The following ECM1 variants were observed in gnomAD, a reference collection of about 807,000 sequenced individuals.
ECM1 encodes secretory component p85.
A neutral mutation model predicts 57.9 loss-of-function variants in ECM1; 54 were observed. The observed-to-expected ratio is 0.93, with a 90% CI of 0.75 to 1.17. The LOEUF is 1.17. Ranked by LOEUF, ECM1 falls within the 50% of genes most tolerant of loss-of-function variation. The pLI is 0.00. For missense variants in ECM1, 649 were observed against 688.1 expected (o/e 0.94, Z 0.64); for synonymous variants, 237 against 259.1 (o/e 0.91, Z 0.82).
In ECM1 at chr1:150,509,721, A is replaced by C. The variant is rs1192765241; in HGVS notation, c.182A>C (p.Asp61Ala). ...LSRSLPMDHP[D>A]SSQHGPPFEG... Reference sequence around the variant, plus strand: ...CGAAGCCTCCCCATGGATCACCCTGACTCCTCTCAGCATGGCCCTCCCTTT... The same window carrying C: ...CGAAGCCTCCCCATGGATCACCCTGCCTCCTCTCAGCATGGCCCTCCCTTT... The change falls in exon 3 of 10, where the codon GAC (aspartate) becomes GCC (alanine). Residue 61 changes from aspartate (D) to alanine (A), a missense_variant. Asp to Ala is a moderately radical substitution (Grantham distance 126). Coordinates refer to ENST00000369047, the MANE Select transcript of ECM1 (RefSeq NM_004425.4). 6.3e-7 allele frequency: 1 copy of C among 1,599,306 alleles called. No homozygotes were observed. The highest frequency in any genetic ancestry group is 1.7e-5 in the Admixed American group (1 of 59,302).
Position 150,513,520 on chromosome 1 carries a change from C to T in ECM1, c.*53C>T. On this transcript the variant is annotated 3_prime_UTR_variant, in exon 10 of 10. Coordinates refer to ENST00000369047, the MANE Select transcript of ECM1 (RefSeq NM_004425.4). Reference sequence around the variant, plus strand: ...TGGGGGGAACCCCACCCTGCCCCACCCATCTGAACACTCATTACACTAAAC... The same window carrying T: ...TGGGGGGAACCCCACCCTGCCCCACTCATCTGAACACTCATTACACTAAAC... 6.7e-7 allele frequency: 1 copy of T among 1,502,858 alleles called. No homozygotes were observed. Among genetic ancestry groups the T allele is most frequent in the Non-Finnish European group, 9.1e-7 (1 of 1,096,902 alleles). 93.1% of individuals were successfully genotyped at this position (1,502,858 alleles called of 1,614,324 possible).
chr1:150,513,475 C>T lies in ECM1; in HGVS notation c.*8C>T, dbSNP rs1570888116. 6 of 1,611,364 alleles carry T rather than the reference C, an allele frequency of 3.7e-6. No homozygotes were observed. The Admixed American group carries it at 1.0e-4, about 27-fold the overall frequency. ...GAGCCCAAGGAAGAATGAGTCACCC[C>T]AGAGCCCTAGAGGGTCAGATGGGGG... is the stretch of plus-strand genomic sequence containing the variant. On this transcript the variant is annotated 3_prime_UTR_variant, in exon 10 of 10. Coordinates refer to ENST00000369047, the MANE Select transcript of ECM1 (RefSeq NM_004425.4).
At chr1:150,508,754 G>C (rs1670346411) in intron 1 of ECM1, among the ~76,000 whole-genome samples, 1 of 152,094 alleles carries the variant, frequency 6.6e-6, no homozygotes, top group Admixed American at 6.5e-5. Context: ...CTGCTTTGAT[G>C]CCTGAACAAA....
In ECM1 at chr1:150,511,811, C is replaced by T. The variant is rs1670452843; in HGVS notation, c.1063C>T (p.His355Tyr). The change falls in exon 7 of 10, where the codon CAC (histidine) becomes TAC (tyrosine). Residue 355 changes from histidine (H) to tyrosine (Y), a missense_variant. By Grantham distance (83) the His-to-Tyr change is moderately conservative (BLOSUM62 2). Coordinates refer to ENST00000369047, the MANE Select transcript of ECM1 (RefSeq NM_004425.4). ...FQRCCRQGNN[H>Y]TCTWKAWEDT... The stretch of plus-strand genomic sequence containing the variant: ...GCGCTGCTGCCGCCAGGGGAACAAT[C>T]ACACCTGTACATGGAAGGCCGTAAG... 1 of 1,610,706 alleles carries T rather than the reference C, an allele frequency of 6.2e-7. No individual in the cohort carries two copies. The highest frequency in any genetic ancestry group is 8.5e-7 in the Non-Finnish European group (1 of 1,177,846).
At chr1:150,513,119 G>C in intron 9 of ECM1, 118 bp from the exon 10 acceptor site, 1 of 1,096,704 alleles carries the variant, frequency 9.1e-7, no homozygotes, top group Non-Finnish European at 1.4e-6. Context: ...CCCAGGAGGG[G>C]AACGAGGGAG....
chr1:150,511,650 C>T lies in ECM1; in HGVS notation c.902C>T (p.Pro301Leu), dbSNP rs199759513. Residue 301 changes from proline (P) to leucine (L), a missense_variant, in exon 7 of 10, where the codon CCT (proline) becomes CTT (leucine). Physicochemically the swap from Pro to Leu is moderately conservative, Grantham distance 98. Coordinates refer to ENST00000369047, the MANE Select transcript of ECM1 (RefSeq NM_004425.4). ...TCGGGTCTTGAGCTGCCTTTCCCTCCTGGGGTGCCCACATTGGACAATATC... is the reference window on the plus strand; with the variant it reads ...TCGGGTCTTGAGCTGCCTTTCCCTCTTGGGGTGCCCACATTGGACAATATC... ...ISSGLELPFP[P>L]GVPTLDNIKN... 8 of 1,614,152 alleles carry T rather than the reference C, an allele frequency of 5.0e-6. No homozygotes were observed. The highest frequency in any genetic ancestry group is 1.7e-5 in the Admixed American group (1 of 60,022).
chr1:150,512,662 A>G (rs1009761193), intron 8 of ECM1, 63 bp from the exon 9 acceptor site: 3 of 1,610,108 alleles, frequency 1.9e-6, no homozygotes, highest in African/African-American at 2.7e-5. Flanking sequence ...TGATATCCCA[A>G]CCCCATCTGA....
intron 5 of ECM1, 152 bp from the exon 6 acceptor site, chr1:150,510,723 TA>T: frequency 2.4e-6 from 2 of 827,414 alleles, no homozygotes; most frequent in Non-Finnish European, 2.0e-6. Flanking sequence ...TCAGTTATTT[TA>T]AAAGGAAGAG....
In ECM1 at chr1:150,511,062, G is replaced by A; in HGVS notation, c.572G>A (p.Gly191Asp). Residue 191 changes from glycine (G) to aspartate (D), a missense_variant, in exon 6 of 10, where the codon GGT (glycine) becomes GAT (aspartate). Gly to Asp is a moderately conservative substitution (Grantham distance 94). Coordinates refer to ENST00000369047, the MANE Select transcript of ECM1 (RefSeq NM_004425.4). The part of the protein sequence containing the change: ...CLPNRQHVVY[G>D]PWNLPQSSYS... ...CCTAACCGTCAGCATGTGGTATATG[G>A]TCCCTGGAACCTACCACAGTCCAGC... 1 of 1,614,164 alleles carries A rather than the reference G, an allele frequency of 6.2e-7. No individual in the cohort carries two copies. Among genetic ancestry groups the A allele is most frequent in the Non-Finnish European group, 8.5e-7 (1 of 1,180,032 alleles).
In ECM1 at chr1:150,510,934, C is replaced by T; in HGVS notation, c.444C>T (p.Ala148=). 6.2e-7 allele frequency: 1 copy of T among 1,614,176 alleles called. No homozygotes were observed. The highest frequency in any genetic ancestry group is 8.5e-7 in the Non-Finnish European group (1 of 1,180,032). Residue 148 remains alanine (A), a synonymous_variant, in exon 6 of 10, where the codon GCC becomes GCT. Coordinates refer to ENST00000369047, the MANE Select transcript of ECM1 (RefSeq NM_004425.4). ...SHPEPESWNA[A]QHCQQDRSQG... ...CAGAACCTGAGTCCTGGAATGCAGC[C>T]CAGCACTGCCAACAGGACCGGTCCC...
At chr1:150,510,325 G>C in intron 5 of ECM1, 143 bp downstream of exon 5, 1 of 776,120 alleles carries the variant, frequency 1.3e-6, no homozygotes, top group East Asian at 2.6e-5. Flanking sequence ...CCAAGCCTTT[G>C]TTTCTTCATC....
At chr1:150,511,343 G>T in intron 6 of ECM1, 114 bp from the exon 7 acceptor site, 1 of 1,599,802 alleles carries the variant, frequency 6.3e-7, no homozygotes. Context: ...ATGTGCCAGG[G>T]GAGCAGAGGA....
Position 150,513,580 on chromosome 1 carries a change from A to C in ECM1, c.*113A>C. On this transcript the variant is annotated 3_prime_UTR_variant, in exon 10 of 10. Transcript: ENST00000369047. ...ATTTGGTGTCCTCATTGTCTATCTA[A>C]TGTCTCACCCGCAGTGTTTTAAGTG... The C allele has an allele frequency of 9.6e-7, 1 of 1,036,322 alleles. No individual in the cohort carries two copies. Among genetic ancestry groups the C allele is most frequent in the Non-Finnish European group, 1.4e-6 (1 of 711,636 alleles). 64.2% of individuals were successfully genotyped at this position (1,036,322 alleles called of 1,614,324 possible).
chr1:150,509,297 C>T, intron 1 of ECM1: 1 of 605,946 alleles, frequency 1.7e-6, no homozygotes. Context: ...AACCTCTGAG[C>T]CAGTAGAGGT....
At position 150,512,369 on chromosome 1, in the gene ECM1, C is replaced by G. The variant is rs758588575; in HGVS notation, c.1101C>G (p.Asp367Glu). 4 of 1,613,078 alleles carry G rather than the reference C, an allele frequency of 2.5e-6. No individual in the cohort carries two copies. The highest frequency in any genetic ancestry group is 1.6e-4 in the Middle Eastern group (1 of 6,084). ...GTCCACAGTGGGAGGATACCCTTGACAAATACTGTGACCGGGAGTATGCTG... is the reference window on the plus strand; with the variant it reads ...GTCCACAGTGGGAGGATACCCTTGAGAAATACTGTGACCGGGAGTATGCTG... ...CTWKAWEDTL[D>E]KYCDREYAVK... The change falls in exon 8 of 10, where the codon GAC (aspartate) becomes GAG (glutamate). Residue 367 changes from aspartate to glutamate, a missense_variant. By Grantham distance (45) the Asp-to-Glu change is conservative (BLOSUM62 2). Transcript: ENST00000369047.
chr1:150,508,341 A>C, intron 1 of ECM1, 62 bp downstream of exon 1: 6 of 1,477,254 alleles, frequency 4.1e-6, no homozygotes, highest in Non-Finnish European at 4.7e-6. Context: ...GTCTGGGTCC[A>C]GGCATCCCAG....
At chr1:150,509,862 C>T (rs1670387312) in intron 3 of ECM1, 60 bp from the exon 4 acceptor site, 2 of 1,613,828 alleles carry the variant, frequency 1.2e-6, no homozygotes, top group South Asian at 2.2e-5. Context: ...GGCCCTCGCC[C>T]CCACTCCCAG....
rs1570880701 is a variant in ECM1 at position 150,508,292 on chromosome 1, A to G, written c.70+13A>G. The G allele has an allele frequency of 1.2e-6, 2 of 1,612,968 alleles. No individual in the cohort carries two copies. The highest frequency in any genetic ancestry group is 1.7e-6 in the Non-Finnish European group (2 of 1,179,600). ...GCCTCTGAGGGAGGTGAGTTGGGGG[A>G]TCAGCACTTAGGAGGGGGTCTGGGC... On this transcript the variant is annotated intron_variant, in intron 1 of 9. Transcript: ENST00000369047.
rs982465523 is a variant in ECM1 at position 150,508,218 on chromosome 1, C to T, written c.9C>T (p.Thr3=). ...TGGTCAGTTGCCCCAGGATGGGGAC[C>T]ACAGCCAGAGCAGCCTTGGTCTTGA... MG[T]TARAALVLTY... is the part of the protein sequence containing the mutation. The change falls in exon 1 of 10, where the codon ACC becomes ACT. Residue 3 remains threonine, a synonymous_variant. Coordinates refer to ENST00000369047, the MANE Select transcript of ECM1 (RefSeq NM_004425.4). 1 of 1,614,024 alleles carries T rather than the reference C, an allele frequency of 6.2e-7. No individual in the cohort carries two copies. The highest frequency in any genetic ancestry group is 8.5e-7 in the Non-Finnish European group (1 of 1,180,056).
Sources: gnomAD v4.1 joint callset for allele counts (sites outside exome capture counted in the v4.1 genomes callset) on GRCh38, gnomAD v4.1.1 for gene constraint, MANE v1.5 for transcripts, NCBI Gene and HGNC (gene_info 2026-07-23, HGNC 2026-07-21) for gene names.